Variants in CPPED1 observed in about 807,000 individuals in gnomAD.
The protein encoded by CPPED1 is serine/threonine-protein phosphatase CPPED1.
A neutral mutation model predicts 28.0 loss-of-function variants in CPPED1; 28 were observed. The ratio of observed to expected loss-of-function variants is 1.00; its 90% CI spans 0.74 to 1.37. The LOEUF is 1.37. Among genes scored for constraint, CPPED1 ranks in the 40% most tolerant of loss-of-function variants. The pLI is 0.00. For synonymous variants in CPPED1, 198 were observed against 180.2 expected (o/e 1.10, Z -0.79); for missense variants, 504 against 416.5 (o/e 1.21, Z -1.83).
chr16:12,716,058 T>C (rs186126768), intron 2 of CPPED1, among the ~76,000 whole-genome samples: 17 of 152,356 alleles, frequency 1.1e-4, no homozygotes, highest in African/African-American at 3.8e-4. Context: ...TGAACAGAAC[T>C]ATGATACCGG....
At position 12,726,701 on chromosome 16, in the gene CPPED1, C is replaced by T. The variant is rs180936140; in HGVS notation, c.290-21652G>A. ...GGGCATGCCTGTGGTTCCAGCTACT[C>T]GGGAGGCTGAGGTGGGAGGATGGCT... On this transcript the variant is annotated intron_variant, in intron 2 of 3. Transcript: ENST00000381774. 1.2e-4 allele frequency among the ~76,000 whole-genome samples: 18 copies of T among 151,786 alleles called. No homozygotes were observed. The East Asian group carries it at 3.1e-3, about 26-fold the overall frequency.
chr16:12,687,014 A>G (rs1394030315), intron 3 of CPPED1, among the ~76,000 whole-genome samples: 1 of 152,142 alleles, frequency 6.6e-6, no homozygotes, highest in Non-Finnish European at 1.5e-5. Context: ...CCTGTGAGCT[A>G]AGAATGCTTC....
chr16:12,676,192 G>A lies in CPPED1; in HGVS notation c.716-11077C>T, dbSNP rs1028778869. On this transcript the variant is annotated intron_variant, in intron 3 of 3. Transcript: ENST00000381774. ...GCCCAGGACTGCCAGGGGACATGGT[G>A]GAAGGGATCCGGGTAAGGTGGGAGG... Among the ~76,000 whole-genome samples the A allele has an allele frequency of 2.6e-5, 4 of 152,192 alleles. No individual in the cohort carries two copies. The South Asian group carries it at 8.3e-4, about 31-fold the overall frequency.
intron 3 of CPPED1, among the ~76,000 whole-genome samples, chr16:12,686,245 T>A (rs9921804): frequency 2.4e-4 from 35 of 142,994 alleles, no homozygotes; most frequent in East Asian, 5.9e-4. Context: ...ATATATATTT[T>A]TTTTTTTGAG....
chr16:12,699,656 G>T (rs2080009911), intron 3 of CPPED1, among the ~76,000 whole-genome samples: 3 of 151,816 alleles, frequency 2.0e-5, no homozygotes. Context: ...TCTTTAAAAG[G>T]GTATTTTATA....
At chr16:12,757,687 G>T (rs889243503) in intron 2 of CPPED1, 1 of 137,906 alleles carries the variant, frequency 7.3e-6, no homozygotes, top group Non-Finnish European at 1.5e-5. Context: ...CATCCGCAAC[G>T]GACTTCATGC....
rs150544060 is a variant in CPPED1, at chr16:12,765,361, C to T, written c.289+15824G>A. Among the ~76,000 whole-genome samples the T allele has an allele frequency of 3.1e-3, 477 of 152,306 alleles. 1 individual carries two copies. The highest frequency in any genetic ancestry group is 4.8e-3 in the Non-Finnish European group (326 of 68,038). On this transcript the variant is annotated intron_variant, in intron 2 of 3. Coordinates refer to ENST00000381774, the MANE Select transcript of CPPED1 (RefSeq NM_018340.3). ...TTAATTTTGCAGCTAACAGCTACAGCTGATTATGCTGGCTGCTAGATATTT... is the reference window on the plus strand; with the variant it reads ...TTAATTTTGCAGCTAACAGCTACAGTTGATTATGCTGGCTGCTAGATATTT...
intron 1 of CPPED1, among the ~76,000 whole-genome samples, chr16:12,787,405 C>CTTT (rs57802112): frequency 2.8e-5 from 4 of 140,862 alleles, no homozygotes; most frequent in Non-Finnish European, 3.1e-5. Flanking sequence ...ATTTTTCTTT[C>CTTT]TTTTTTTTTT....
At chr16:12,779,684 T>C (rs888058807) in intron 2 of CPPED1, among the ~76,000 whole-genome samples, 13 of 152,078 alleles carry the variant, frequency 8.5e-5, no homozygotes, top group African/African-American at 2.9e-4. Flanking sequence ...GCCATTCTCA[T>C]GTTTTCATTA....
chr16:12,769,022 C>T (rs1289314909), intron 2 of CPPED1, among the ~76,000 whole-genome samples: 4 of 152,060 alleles, frequency 2.6e-5, no homozygotes, highest in Non-Finnish European at 5.9e-5. Flanking sequence ...CATGCCCCCA[C>T]ACCTGGCTAA....
chr16:12,703,803 A>G (rs914805741), intron 3 of CPPED1, among the ~76,000 whole-genome samples: 1 of 152,192 alleles, frequency 6.6e-6, no homozygotes, highest in Non-Finnish European at 1.5e-5. Flanking sequence ...GAATCTGCCT[A>G]GAACAGACTG....
intron 2 of CPPED1, among the ~76,000 whole-genome samples, chr16:12,770,041 TG>T (rs2080460956): frequency 6.6e-6 from 1 of 152,180 alleles, no homozygotes; most frequent in Non-Finnish European, 1.5e-5. Flanking sequence ...AAACGGTTTC[TG>T]TTCAATGGAA....
intron 2 of CPPED1, among the ~76,000 whole-genome samples, chr16:12,748,849 C>T (rs151232463): frequency 0.026 from 3,926 of 149,072 alleles, 81 homozygotes; most frequent in East Asian, 0.12. Context: ...CACCACTGAA[C>T]TCCAGCCTGG....
intron 2 of CPPED1, among the ~76,000 whole-genome samples, chr16:12,774,543 T>C (rs981699227): frequency 6.6e-6 from 1 of 152,202 alleles, no homozygotes; most frequent in Admixed American, 6.5e-5. Flanking sequence ...TTTTATTAAC[T>C]GACACAATTT....
intron 3 of CPPED1, among the ~76,000 whole-genome samples, chr16:12,694,516 G>A (rs955988846): frequency 2.0e-5 from 3 of 152,106 alleles, no homozygotes; most frequent in African/African-American, 4.8e-5. Flanking sequence ...AGCTTTGGCA[G>A]TTAGTCTTTT....
At chr16:12,688,986 A>C (rs1308351257) in intron 3 of CPPED1, among the ~76,000 whole-genome samples, 4 of 152,174 alleles carry the variant, frequency 2.6e-5, no homozygotes, top group Non-Finnish European at 4.4e-5. Flanking sequence ...TTTTTATGTT[A>C]AGATTTGGGT....
At chr16:12,711,619 G>A (rs868016194) in intron 2 of CPPED1, among the ~76,000 whole-genome samples, 1 of 152,278 alleles carries the variant, frequency 6.6e-6, no homozygotes, top group South Asian at 2.1e-4. Flanking sequence ...TCAGTGGAGG[G>A]TGGGGCTGGA....
At chr16:12,770,210 C>T (rs1290094311) in intron 2 of CPPED1, among the ~76,000 whole-genome samples, 4 of 152,162 alleles carry the variant, frequency 2.6e-5, no homozygotes, top group South Asian at 4.1e-4. Context: ...GCTAAGAGAA[C>T]GGCCTGGTGT....
rs1381337547 is a variant in CPPED1, at chr16:12,664,946, T to C, written c.885A>G (p.Leu295=). The C allele has an allele frequency of 1.2e-6, 2 of 1,611,100 alleles. No individual in the cohort carries two copies. Among genetic ancestry groups the C allele is most frequent in the African/African-American group, 1.3e-5 (1 of 74,706 alleles). Residue 295 remains leucine, a synonymous_variant, in exon 4 of 4, where the codon CTA becomes CTG. Transcript: ENST00000381774. This position sits in a 1 kb window ranked among gnomAD's most constrained non-coding sequence, Gnocchi z 4.2. ...AEKIVHRYYS[L]DELSEKGIED... ...CTATTCCTTTCTCACTCAGCTCATC[T>C]AGACTGTAGTATCGGTGAACAATTT...
Sources: allele counts gnomAD v4.1 joint callset (sites outside exome capture counted in the v4.1 genomes callset), GRCh38; gene constraint gnomAD v4.1.1; non-coding constraint Gnocchi (gnomAD v3.1); transcripts MANE v1.5; gene names NCBI Gene and HGNC (gene_info 2026-07-23, HGNC 2026-07-21).